The following NPEPPS variants were observed in gnomAD, a reference collection of about 807,000 sequenced individuals.
NPEPPS encodes puromycin-sensitive aminopeptidase.
In NPEPPS, 14 loss-of-function variants were observed where a neutral mutation model predicts 115.5. The observed-to-expected ratio is 0.12, with a 90% CI of 0.08 to 0.19. NPEPPS has a LOEUF of 0.19. NPEPPS is among the 10% of genes least tolerant of loss of function. NPEPPS has a pLI of 1.00. For missense variants in NPEPPS, 523 were observed against 1,110.8 expected, an observed-to-expected ratio of 0.47 and a Z score of 7.52; for synonymous variants, 285 against 390.6, an observed-to-expected ratio of 0.73 and a Z score of 3.19.
chr17:47,529,520 T>A (rs1036941915), upstream of NPEPPS, among the ~76,000 whole-genome samples: 2 of 149,664 alleles, frequency 1.3e-5, no homozygotes, highest in Non-Finnish European at 3.0e-5. Context: ...TTCTCCTGTC[T>A]CAGCCTCCCT....
chr17:47,528,615 A>G (rs955016175), upstream of NPEPPS, among the ~76,000 whole-genome samples: 1 of 152,164 alleles, frequency 6.6e-6, no homozygotes, highest in Non-Finnish European at 1.5e-5. Flanking sequence ...TGTGAACAAA[A>G]TAAGTAAAAT....
At chr17:47,556,787 A>G (rs973637566) in intron 2 of NPEPPS, among the ~76,000 whole-genome samples, 1 of 152,088 alleles carries the variant, frequency 6.6e-6, no homozygotes, top group Non-Finnish European at 1.5e-5. Context: ...GGGACTACAG[A>G]TGTAGGCCAC....
In NPEPPS at chr17:47,536,388, C is replaced by T. The variant is rs6504996; in HGVS notation, c.255+4833C>T. Among the ~76,000 whole-genome samples the T allele has an allele frequency of 8.0e-3, 558 of 69,838 alleles. 13 individuals are homozygous for T. Among genetic ancestry groups the T allele is most frequent in the Middle Eastern group, 0.027 (3 of 112 alleles). The allele number at this position is 69,838 out of a possible 152,430, so 45.8% of individuals were successfully genotyped here. A position where few individuals can be genotyped will look rare whatever the true frequency, so the allele number is the denominator to read the frequency against. ...TGCCCAAATTCTGCATATTTTCTCTCTTTTTTTTTTTTTTTTTTTTTGAGA... is the reference window on the plus strand; with the variant it reads ...TGCCCAAATTCTGCATATTTTCTCTTTTTTTTTTTTTTTTTTTTTTTGAGA... On this transcript the variant is annotated intron_variant, in intron 1 of 22. Transcript: ENST00000322157.
chr17:47,527,806 G>A (rs867808208), upstream of NPEPPS, among the ~76,000 whole-genome samples: 5 of 151,778 alleles, frequency 3.3e-5, no homozygotes, highest in African/African-American at 1.2e-4. Context: ...AAAATTAGCC[G>A]GGCATGGTGG....
intron 3 of NPEPPS, among the ~76,000 whole-genome samples, chr17:47,573,429 G>A (rs1364844563): frequency 6.6e-6 from 1 of 152,210 alleles, no homozygotes; most frequent in Non-Finnish European, 1.5e-5. Context: ...ACCCAACTTT[G>A]AATTTCGGAG....
intron 17 of NPEPPS, among the ~76,000 whole-genome samples, chr17:47,609,847 C>T (rs1913733006): frequency 2.0e-5 from 3 of 152,198 alleles, no homozygotes; most frequent in Admixed American, 2.0e-4. Flanking sequence ...CCTGGCCTCT[C>T]TCACTCAGCG....
At chr17:47,540,376 T>A (rs2143690739) in intron 1 of NPEPPS, among the ~76,000 whole-genome samples, 1 of 152,290 alleles carries the variant, frequency 6.6e-6, no homozygotes, top group Non-Finnish European at 1.5e-5. Flanking sequence ...TGCTGAAATT[T>A]CTTTGAATTA....
chr17:47,594,595 TGTTATG>T (rs1444596817), intron 12 of NPEPPS, among the ~76,000 whole-genome samples: 2 of 47,730 alleles, frequency 4.2e-5, no homozygotes, highest in Non-Finnish European at 9.3e-5. Flanking sequence ...TTTTATTTTA[TGTTATG>T]TTATGTTATG....
rs1350946401 is a variant in NPEPPS at position 47,531,216 on chromosome 17, A to T, written c.-85A>T. On this transcript the variant is annotated 5_prime_UTR_variant, in exon 1 of 23. Transcript: ENST00000322157. The stretch of plus-strand genomic sequence containing the variant: ...AGTCCGCCCGCACCGCCTCCTTCCC[A>T]GCCCCTAGCGCTCCGGCTGGGTCTC... 2 of 1,111,704 alleles carry T rather than the reference A, an allele frequency of 1.8e-6. No individual in the cohort carries two copies. Among genetic ancestry groups the T allele is most frequent in the Non-Finnish European group, 2.2e-6 (2 of 902,338 alleles). The allele number at this position is 1,111,704 out of a possible 1,614,324, so 68.9% of individuals were successfully genotyped here.
chr17:47,553,713 A>G (rs952888409), intron 2 of NPEPPS, among the ~76,000 whole-genome samples: 1 of 152,144 alleles, frequency 6.6e-6, no homozygotes, highest in African/African-American at 2.4e-5. Context: ...CATTATAACA[A>G]TATACTGTAA....
chr17:47,617,911 G>A lies in NPEPPS; in HGVS notation c.2296-439G>A, dbSNP rs778897246. Among the ~76,000 whole-genome samples, 69 of 151,912 alleles carry A rather than the reference G, an allele frequency of 4.5e-4. No individual in the cohort carries two copies. The Middle Eastern group carries it at 0.01, about 22-fold the overall frequency. Reference sequence around the variant, plus strand: ...TCTTTTATTTTTGAGACAGAGTCTCGCTCTCTTGCCCAAACTGGAGTGCAG... The same window carrying A: ...TCTTTTATTTTTGAGACAGAGTCTCACTCTCTTGCCCAAACTGGAGTGCAG... On this transcript the variant is annotated intron_variant, in intron 19 of 22. Transcript: ENST00000322157.
intron 3 of NPEPPS, among the ~76,000 whole-genome samples, chr17:47,571,415 G>A (rs1234640982): frequency 6.6e-6 from 1 of 152,226 alleles, no homozygotes; most frequent in South Asian, 2.1e-4. Flanking sequence ...CCCTTTATGT[G>A]TAATTATTAT....
chr17:47,597,607 C>T (rs1035754998), intron 13 of NPEPPS, among the ~76,000 whole-genome samples: 2 of 152,062 alleles, frequency 1.3e-5, no homozygotes, highest in African/African-American at 2.4e-5. Context: ...CTCAAGTGAT[C>T]CTTCCACCCC....
Position 47,590,706 on chromosome 17 carries a change from T to G in NPEPPS, c.1096-11T>G. The G allele has an allele frequency of 6.2e-7, 1 of 1,610,196 alleles. No individual in the cohort carries two copies. The highest frequency in any genetic ancestry group is 8.5e-7 in the Non-Finnish European group (1 of 1,177,246). On this transcript the variant is annotated splice_polypyrimidine_tract_variant and intron_variant, in intron 9 of 22. Coordinates refer to ENST00000322157, the MANE Select transcript of NPEPPS (RefSeq NM_006310.4). Reference sequence around the variant, plus strand: ...TCATTTTCTTTAAGTATTTTCATCTTTTGTTTTTAGGAATGGTGGACTCAT... The same window carrying G: ...TCATTTTCTTTAAGTATTTTCATCTGTTGTTTTTAGGAATGGTGGACTCAT...
intron 15 of NPEPPS, among the ~76,000 whole-genome samples, chr17:47,602,758 A>C (rs1301933062): frequency 6.6e-6 from 1 of 151,342 alleles, no homozygotes; most frequent in Non-Finnish European, 1.5e-5. Flanking sequence ...CTCCCACCTC[A>C]GGCTCCGGAG....
chr17:47,556,372 CAT>C (rs1209675805), intron 2 of NPEPPS, among the ~76,000 whole-genome samples: 2 of 152,054 alleles, frequency 1.3e-5, no homozygotes, highest in Non-Finnish European at 1.5e-5. Context: ...GGACACAGCA[CAT>C]GTTTCAGAGA....
At chr17:47,603,525 C>T (rs531338997) in intron 15 of NPEPPS, 4 of 155,826 alleles carry the variant, frequency 2.6e-5, no homozygotes, top group East Asian at 1.9e-4. Flanking sequence ...ATTGTTATTC[C>T]GTTCAGTCTC....
chr17:47,604,214 C>T, intron 16 of NPEPPS, 165 bp downstream of exon 16: 1 of 530,720 alleles, frequency 1.9e-6, no homozygotes. Context: ...AAGATTGAGG[C>T]TATATAATTT....
chr17:47,564,997 A>AT (rs1241207100), intron 2 of NPEPPS, among the ~76,000 whole-genome samples: 9 of 152,284 alleles, frequency 5.9e-5, no homozygotes, highest in African/African-American at 2.2e-4. Flanking sequence ...TTTTGAAGTG[A>AT]TTCATTCATT....
Sources: gnomAD v4.1 joint callset for allele counts (sites outside exome capture counted in the v4.1 genomes callset) on GRCh38, gnomAD v4.1.1 for gene constraint, MANE v1.5 for transcripts, NCBI Gene and HGNC (gene_info 2026-07-23, HGNC 2026-07-21) for gene names.